The following LAMA1 variants were observed in gnomAD, a reference collection of about 807,000 sequenced individuals.
LAMA1 encodes laminin subunit alpha-1.
In LAMA1, 219 loss-of-function variants were observed where a neutral mutation model predicts 348.7. That is an observed-to-expected ratio of 0.63 (90% CI 0.56 to 0.70). The LOEUF is 0.70. Ranked by LOEUF, LAMA1 falls within the 30% of genes least tolerant of loss-of-function variation. The pLI is 0.00. For synonymous variants in LAMA1, 1,487 were observed against 1,491.0 expected, an observed-to-expected ratio of 1.00 and a Z score of 0.06; for missense variants, 3,744 against 3,888.0, an observed-to-expected ratio of 0.96 and a Z score of 0.99.
chr18:6,957,609 G>A (rs1418468016), intron 55 of LAMA1, among the ~76,000 whole-genome samples: 2 of 152,104 alleles, frequency 1.3e-5, no homozygotes, highest in Non-Finnish European at 2.9e-5. Flanking sequence ...TGATGCCCAG[G>A]GCACTTCCAG....
intron 1 of LAMA1, among the ~76,000 whole-genome samples, chr18:7,082,955 T>G (rs1238190871): frequency 1.4e-5 from 2 of 144,086 alleles, no homozygotes; most frequent in Non-Finnish European, 2.9e-5. Flanking sequence ...CCAATCTGAG[T>G]AACTGCAGGG....
chr18:7,066,537 G>A (rs964765269), intron 3 of LAMA1, among the ~76,000 whole-genome samples: 1 of 152,120 alleles, frequency 6.6e-6, no homozygotes, highest in Non-Finnish European at 1.5e-5. Flanking sequence ...CAATTTGACT[G>A]CCTCAATAGA....
rs150431418 is a variant in LAMA1, at chr18:7,061,471, A to G, written c.346-10535T>C. 1.2e-3 allele frequency among the ~76,000 whole-genome samples: 179 copies of G among 152,342 alleles called. 1 individual carries two copies. Among genetic ancestry groups the G allele is most frequent in the African/African-American group, 4.1e-3 (171 of 41,584 alleles). On this transcript the variant is annotated intron_variant, in intron 3 of 62. Transcript: ENST00000389658. Reference sequence around the variant, plus strand: ...CACTTGTGAAATGCAGTTACAGGCCATTCTCAGACCTAAGAAATCCAAAAA... The same window carrying G: ...CACTTGTGAAATGCAGTTACAGGCCGTTCTCAGACCTAAGAAATCCAAAAA...
chr18:6,951,528 C>T (rs1478096117), intron 57 of LAMA1, among the ~76,000 whole-genome samples: 3 of 152,178 alleles, frequency 2.0e-5, no homozygotes, highest in Admixed American at 1.3e-4. Flanking sequence ...GTGGCTCCAA[C>T]ATAGGGAGGA....
At chr18:7,026,889 T>C (rs2057946065) in intron 16 of LAMA1, among the ~76,000 whole-genome samples, 1 of 150,400 alleles carries the variant, frequency 6.6e-6, no homozygotes, top group Non-Finnish European at 1.5e-5. Context: ...CCCAGCTACC[T>C]GGGAGGCTGA....
chr18:6,943,647 G>A (rs1290836644), intron 61 of LAMA1, among the ~76,000 whole-genome samples: 4 of 152,030 alleles, frequency 2.6e-5, no homozygotes, highest in East Asian at 1.9e-4. Context: ...TCAGGAATTC[G>A]AGACCAGCCT....
rs2057845084 is a variant in LAMA1 at position 7,008,748 on chromosome 18, A to C, written c.4002-140T>G. 3.1e-6 allele frequency: 3 copies of C among 970,910 alleles called. No homozygotes were observed. The South Asian group carries it at 4.0e-5, about 13-fold the overall frequency. 60.1% of individuals were successfully genotyped at this position (970,910 alleles called of 1,614,324 possible). ...GGAGTAGTTCCTGCTTGTGATTGTAAGTGAAGTGTGTTAAAGCACATTACT... is the reference window on the plus strand; with the variant it reads ...GGAGTAGTTCCTGCTTGTGATTGTACGTGAAGTGTGTTAAAGCACATTACT... On this transcript the variant is annotated intron_variant, in intron 27 of 62. Coordinates refer to ENST00000389658, the MANE Select transcript of LAMA1 (RefSeq NM_005559.4).
chr18:6,966,521 T>A (rs2057634082), intron 48 of LAMA1, among the ~76,000 whole-genome samples: 1 of 152,224 alleles, frequency 6.6e-6, no homozygotes. Context: ...TAGGCAGTAT[T>A]CATTGTGGTA....
chr18:6,955,942 A>G (rs2057574813), intron 56 of LAMA1: 1 of 319,394 alleles, frequency 3.1e-6, no homozygotes, highest in Non-Finnish European at 6.1e-6. Context: ...CAGGATGCAG[A>G]CAAGAGGAGC....
At chr18:7,019,093 T>C (rs529320723) in intron 19 of LAMA1, among the ~76,000 whole-genome samples, 196 of 151,616 alleles carry the variant, frequency 1.3e-3, no homozygotes, top group African/African-American at 4.5e-3. Context: ...ACCCCCTCCC[T>C]TTTATCCTCC....
At chr18:7,039,731 A>G (rs984935351) in intron 10 of LAMA1, among the ~76,000 whole-genome samples, 2 of 152,194 alleles carry the variant, frequency 1.3e-5, no homozygotes, top group Non-Finnish European at 2.9e-5. Context: ...CCCACGAGCC[A>G]TAGTTTACCA....
At chr18:7,048,974 T>C in intron 5 of LAMA1, 104 bp downstream of exon 5, 2 of 1,116,106 alleles carry the variant, frequency 1.8e-6, no homozygotes, top group Non-Finnish European at 2.6e-6. Flanking sequence ...AAGGCCAACA[T>C]GTCGGGGAAA....
At chr18:7,020,855 G>A (rs71360060) in intron 19 of LAMA1, among the ~76,000 whole-genome samples, 2,859 of 152,236 alleles carry the variant, frequency 0.019, 25 homozygotes, top group Middle Eastern at 0.071. Flanking sequence ...CTCAACGCTG[G>A]CAGCAGGGCG....
chr18:6,966,013 G>T, intron 49 of LAMA1, 134 bp downstream of exon 49: 1 of 888,682 alleles, frequency 1.1e-6, no homozygotes. Context: ...ATTAATACTA[G>T]CATATGCTCA....
Position 7,050,798 on chromosome 18 carries a change from G to A in LAMA1, c.484C>T (p.Arg162Cys), listed in dbSNP as rs778434634. ...CCTCGTCTTGGAGTTATATTGTAACGAGACAAACACTCTGAGTCGCTGACT... is the reference window on the plus strand; with the variant it reads ...CCTCGTCTTGGAGTTATATTGTAACAAGACAAACACTCTGAGTCGCTGACT... Reference protein sequence around the residue: ...YAVSDSECLSRYNITPRRGPP... With the variant: ...YAVSDSECLSCYNITPRRGPP... Residue 162 changes from arginine to cysteine, a missense_variant, in exon 4 of 63, where the codon CGT becomes TGT. Transcript: ENST00000389658. 9.9e-6 allele frequency: 16 copies of A among 1,614,144 alleles called. No homozygotes were observed. Among genetic ancestry groups the A allele is most frequent in the Admixed American group, 3.3e-5 (2 of 60,012 alleles).
At position 6,974,456 on chromosome 18, in the gene LAMA1, T is replaced by C. The variant is rs552478060; in HGVS notation, c.6623+447A>G. Among the ~76,000 whole-genome samples, 942 of 122,650 alleles carry C rather than the reference T, an allele frequency of 7.7e-3. 4 individuals carry two copies. The highest frequency in any genetic ancestry group is 0.013 in the Middle Eastern group (3 of 238). 80.5% of individuals were successfully genotyped at this position (122,650 alleles called of 152,430 possible). A position where few individuals can be genotyped will look rare whatever the true frequency, so the allele number is the denominator to read the frequency against. ...TTGTAACAAATGCTTATTTCTTTTC[T>C]TTTTTTTTTTTTTTTTTGAGATGGG... On this transcript the variant is annotated intron_variant, in intron 46 of 62. Transcript: ENST00000389658.
At position 6,999,518 on chromosome 18, in the gene LAMA1, G is replaced by A. The variant is rs778472256; in HGVS notation, c.4590C>T (p.Cys1530=). ...DCDRTSGQCV[C]RLGASGLRCD... ...ACCGGAGCCCCGAGGCCCCCAGCCT[G>A]CAAACGCACTGCCCAGATGTGCGGT... The change falls in exon 32 of 63, where the codon TGC becomes TGT. Residue 1530 remains cysteine (C), a synonymous_variant. Transcript: ENST00000389658. 1.2e-6 allele frequency: 2 copies of A among 1,614,120 alleles called. No individual in the cohort carries two copies. The highest frequency in any genetic ancestry group is 1.7e-6 in the Non-Finnish European group (2 of 1,180,012).
At chr18:7,033,691 A>C (rs971969841) in intron 14 of LAMA1, among the ~76,000 whole-genome samples, 5 of 152,140 alleles carry the variant, frequency 3.3e-5, no homozygotes, top group Non-Finnish European at 7.3e-5. Context: ...TCACAAATAG[A>C]AAGATTACCC....
chr18:7,036,833 C>T (rs1373630692), intron 12 of LAMA1, among the ~76,000 whole-genome samples: 1 of 152,052 alleles, frequency 6.6e-6, no homozygotes, highest in Non-Finnish European at 1.5e-5. Context: ...CACTAGCATG[C>T]CTGTATGCCA....
Sources: gnomAD v4.1 joint callset for allele counts (sites outside exome capture counted in the v4.1 genomes callset) on GRCh38, gnomAD v4.1.1 for gene constraint, MANE v1.5 for transcripts, NCBI Gene and HGNC (gene_info 2026-07-23, HGNC 2026-07-21) for gene names.